The following VDAC1 variants were observed in gnomAD, a reference collection of about 807,000 sequenced individuals.
The protein encoded by VDAC1 is voltage dependent anion channel 1.
A neutral mutation model predicts 34.7 loss-of-function variants in VDAC1; 10 were observed. That is an observed-to-expected ratio of 0.29 (90% CI 0.18 to 0.49). The LOEUF is 0.49. VDAC1 is among the 20% of genes least tolerant of loss of function. The probability of loss-of-function intolerance (pLI) is 0.99; values close to 1 mark genes in which losing one functional copy is unlikely to be tolerated. For missense variants in VDAC1, 230 were observed against 347.9 expected, an observed-to-expected ratio of 0.66 and a Z score of 2.69; for synonymous variants, 130 against 136.0, an observed-to-expected ratio of 0.96 and a Z score of 0.30.
the VDAC1 span, among the ~76,000 whole-genome samples, chr5:134,029,886 A>T: frequency 2.6e-5 from 4 of 152,220 alleles, no homozygotes; most frequent in African/African-American, 9.6e-5. Flanking sequence ...AAAATGGCAC[A>T]GAACTATACA....
At chr5:134,015,219 G>A in the VDAC1 span, among the ~76,000 whole-genome samples, 4 of 151,916 alleles carry the variant, frequency 2.6e-5, no homozygotes, top group South Asian at 8.3e-4. Flanking sequence ...GAGAGGGGAG[G>A]GAGGGAGAGA....
chr5:134,010,059 G>A, the VDAC1 span, among the ~76,000 whole-genome samples: 5 of 152,280 alleles, frequency 3.3e-5, no homozygotes, highest in African/African-American at 1.2e-4. Flanking sequence ...AAAGTCATAT[G>A]AGGTTCATCA....
chr5:133,991,676 A>G (rs1753110100), intron 3 of VDAC1, among the ~76,000 whole-genome samples: 1 of 152,166 alleles, frequency 6.6e-6, no homozygotes, highest in African/African-American at 2.4e-5. Flanking sequence ...GCCTACTGGC[A>G]TGGTTCCCCT....
In VDAC1 at chr5:133,972,384, C is replaced by G; in HGVS notation, c.*387G>C. ...TGAGTTTGTACACACCATCAAGCAG[C>G]GAGCCTCTCATCAATTAGGGTTAGG... On this transcript the variant is annotated 3_prime_UTR_variant, in exon 9 of 9. Transcript: ENST00000265333. 1 of 400,536 alleles carries G rather than the reference C, an allele frequency of 2.5e-6. No homozygotes were observed. Among genetic ancestry groups the G allele is most frequent in the East Asian group, 3.7e-5 (1 of 27,180 alleles). 24.8% of individuals were successfully genotyped at this position (400,536 alleles called of 1,614,324 possible).
In VDAC1 at chr5:133,990,867, G is replaced by A. The variant is rs1403417870; in HGVS notation, c.311C>T (p.Ser104Leu). Residue 104 changes from serine (S) to leucine (L), a missense_variant, in exon 5 of 9, where the codon TCA (serine) becomes TTA (leucine). Physicochemically the swap from Ser to Leu is moderately radical, Grantham distance 145. Coordinates refer to ENST00000265333, the MANE Select transcript of VDAC1 (RefSeq NM_003374.3). ...ATGAAACTCTTACCCAGTGTTAGGT[G>A]AGAAGGATGAATCGAAGGTCAGCTT... The part of the protein sequence containing the change: ...GLKLTFDSSF[S>L]PNTGKKNAKI... 1 of 1,560,426 alleles carries A rather than the reference G, an allele frequency of 6.4e-7. No homozygotes were observed. Among genetic ancestry groups the A allele is most frequent in the Non-Finnish European group, 8.7e-7 (1 of 1,152,106 alleles).
At chr5:134,030,562 G>A in the VDAC1 span, among the ~76,000 whole-genome samples, 1 of 151,166 alleles carries the variant, frequency 6.6e-6, no homozygotes, top group Non-Finnish European at 1.5e-5. Context: ...TTTCAGTAAG[G>A]GTAGAAAAGT....
At chr5:134,026,033 C>T in the VDAC1 span, among the ~76,000 whole-genome samples, 1 of 152,136 alleles carries the variant, frequency 6.6e-6, no homozygotes, top group Non-Finnish European at 1.5e-5. Context: ...CACCACCAGT[C>T]TGGCCACGGG....
chr5:134,009,219 A>G (rs1753796511), upstream of VDAC1, among the ~76,000 whole-genome samples: 1 of 150,358 alleles, frequency 6.7e-6, no homozygotes, highest in African/African-American at 2.5e-5. Flanking sequence ...TTAAGTATTA[A>G]TGAAGTATTT....
At chr5:133,988,292 A>T (rs779523558) in intron 5 of VDAC1, among the ~76,000 whole-genome samples, 11 of 143,838 alleles carry the variant, frequency 7.6e-5, no homozygotes, top group South Asian at 2.1e-4. Flanking sequence ...AAAGTAAATT[A>T]AAAAAAAAAG....
In VDAC1 at chr5:134,004,955, G is replaced by T. The variant is rs1753711945; in HGVS notation, c.-67C>A. The T allele has an allele frequency of 6.6e-6, 1 of 152,310 alleles. No homozygotes were observed. The highest frequency in any genetic ancestry group is 1.5e-5 in the Non-Finnish European group (1 of 68,140). The allele number at this position is 152,310 out of a possible 1,614,324, so 9.4% of individuals were successfully genotyped here. A position where few individuals can be genotyped will look rare whatever the true frequency, so the allele number is the denominator to read the frequency against. Reference sequence around the variant, plus strand: ...GAGCCTGCGGGCGTGTTGCGGGCGCGCGGGAGGACCTGCGTGAGTCGGGGC... The same window carrying T: ...GAGCCTGCGGGCGTGTTGCGGGCGCTCGGGAGGACCTGCGTGAGTCGGGGC... On this transcript the variant is annotated 5_prime_UTR_variant, in exon 1 of 9. Transcript: ENST00000265333.
intron 6 of VDAC1, 74 bp downstream of exon 6, chr5:133,980,655 A>AT: frequency 1.1e-6 from 1 of 876,642 alleles, no homozygotes; most frequent in Non-Finnish European, 1.7e-6. Flanking sequence ...AAAAAAAAAC[A>AT]GTGAAAAGCA....
chr5:134,055,598 T>TG, the VDAC1 span, among the ~76,000 whole-genome samples: 4 of 131,372 alleles, frequency 3.0e-5, no homozygotes, highest in Admixed American at 7.5e-5. Context: ...GTTTTTTTTT[T>TG]TTTTTTTTTT....
At chr5:134,022,075 C>A in the VDAC1 span, among the ~76,000 whole-genome samples, 1 of 152,104 alleles carries the variant, frequency 6.6e-6, no homozygotes, top group Non-Finnish European at 1.5e-5. Flanking sequence ...GACGGGGTTT[C>A]TCCATGTTGG....
the VDAC1 span, among the ~76,000 whole-genome samples, chr5:134,078,337 G>T: frequency 6.6e-6 from 1 of 152,226 alleles, no homozygotes; most frequent in African/African-American, 2.4e-5. Flanking sequence ...GGAGGCGAGG[G>T]ATTCGGCTGA....
At chr5:133,980,423 G>A (rs1035532070) in intron 6 of VDAC1, among the ~76,000 whole-genome samples, 2 of 152,140 alleles carry the variant, frequency 1.3e-5, no homozygotes, top group African/African-American at 4.8e-5. Context: ...AAAAACTGCA[G>A]GGAATGGACA....
the VDAC1 span, among the ~76,000 whole-genome samples, chr5:134,016,922 TG>T: frequency 6.6e-6 from 1 of 152,214 alleles, no homozygotes; most frequent in Non-Finnish European, 1.5e-5. Flanking sequence ...GACCAGACTA[TG>T]TCAGCCACAA....
the VDAC1 span, among the ~76,000 whole-genome samples, chr5:134,099,991 C>T: frequency 6.6e-6 from 1 of 152,234 alleles, no homozygotes; most frequent in Non-Finnish European, 1.5e-5. Flanking sequence ...ACAGCCTGGC[C>T]CCTTGGTTGG....
rs151101344 is a variant in VDAC1 at position 133,996,685 on chromosome 5, C to T, written c.-6-3667G>A. 3.4e-3 allele frequency among the ~76,000 whole-genome samples: 518 copies of T among 152,180 alleles called. 2 individuals carry two copies. Among genetic ancestry groups the T allele is most frequent in the African/African-American group, 0.012 (496 of 41,534 alleles). Reference sequence around the variant, plus strand: ...CGTATATAAAGATGCTAAGCCCTGGCACATAATAGGCATTCAATATAAATG... The same window carrying T: ...CGTATATAAAGATGCTAAGCCCTGGTACATAATAGGCATTCAATATAAATG... On this transcript the variant is annotated intron_variant, in intron 1 of 8. Transcript: ENST00000265333.
At chr5:134,028,082 T>C in the VDAC1 span, among the ~76,000 whole-genome samples, 1 of 151,024 alleles carries the variant, frequency 6.6e-6, no homozygotes, top group African/African-American at 2.4e-5. Flanking sequence ...TGTCCAGGTA[T>C]TTCTATAGCA....
Sources: allele counts gnomAD v4.1 joint callset (sites outside exome capture counted in the v4.1 genomes callset), GRCh38; gene constraint gnomAD v4.1.1; transcripts MANE v1.5; gene names NCBI Gene and HGNC (gene_info 2026-07-23, HGNC 2026-07-21).